Variants in LRMDA observed in about 807,000 individuals in gnomAD.
LRMDA encodes the protein leucine-rich melanocyte differentiation-associated protein.
Under a neutral mutation model 29.8 loss-of-function variants are expected in LRMDA, and 18 were observed. The observed-to-expected ratio is 0.60, with a 90% CI of 0.42 to 0.90. LRMDA has a LOEUF of 0.90. Among genes scored for constraint, LRMDA ranks in the 40% least tolerant of loss-of-function variants. The pLI, the probability that LRMDA is intolerant of heterozygous loss-of-function variation, is 0.00. For missense variants in LRMDA, 273 were observed against 273.9 expected, an observed-to-expected ratio of 1.00 and a Z score of 0.02; for synonymous variants, 125 against 109.4, an observed-to-expected ratio of 1.14 and a Z score of -0.89.
intron 2 of LRMDA, among the ~76,000 whole-genome samples, chr10:75,765,485 G>A (rs577243144): frequency 1.2e-4 from 18 of 152,280 alleles, no homozygotes; most frequent in South Asian, 6.2e-4. Flanking sequence ...GCTGGATCAC[G>A]TCTGTGTTTG....
At chr10:76,332,678 T>C (rs552605091) in intron 6 of LRMDA, among the ~76,000 whole-genome samples, 1 of 152,312 alleles carries the variant, frequency 6.6e-6, no homozygotes, top group Admixed American at 6.5e-5. Flanking sequence ...CTAAATGTGC[T>C]TATGTTTTAG....
chr10:76,217,968 T>C (rs1357955705), intron 5 of LRMDA, among the ~76,000 whole-genome samples: 1 of 152,188 alleles, frequency 6.6e-6, no homozygotes, highest in East Asian at 1.9e-4. Context: ...CCAGGTGTAA[T>C]GGATAGAAGG....
intron 6 of LRMDA, among the ~76,000 whole-genome samples, chr10:76,408,220 G>A (rs1361852181): frequency 6.6e-6 from 1 of 152,168 alleles, no homozygotes; most frequent in Non-Finnish European, 1.5e-5. Context: ...GTTGGGATGA[G>A]GACACCAGCG....
chr10:76,099,651 T>G (rs1162607266), intron 5 of LRMDA, among the ~76,000 whole-genome samples: 1 of 152,018 alleles, frequency 6.6e-6, no homozygotes, highest in Non-Finnish European at 1.5e-5. Flanking sequence ...CCTGTGTTCT[T>G]TAGACTTTAA....
intron 6 of LRMDA, among the ~76,000 whole-genome samples, chr10:76,343,292 T>G (rs1026865976): frequency 1.3e-5 from 2 of 152,204 alleles, no homozygotes; most frequent in Non-Finnish European, 2.9e-5. Context: ...TGATAAGGGC[T>G]TTATAGAAAC....
chr10:75,769,907 G>A (rs538681119), intron 2 of LRMDA, among the ~76,000 whole-genome samples: 3 of 152,180 alleles, frequency 2.0e-5, no homozygotes, highest in East Asian at 1.9e-4. Context: ...GGCTTGAACT[G>A]GCAAGGTGGA....
chr10:76,074,311 T>TAA (rs1471394561), intron 5 of LRMDA, among the ~76,000 whole-genome samples: 1 of 152,214 alleles, frequency 6.6e-6, no homozygotes, highest in Non-Finnish European at 1.5e-5. Context: ...TTTTTCTTGT[T>TAA]ACATTTGTTT....
At chr10:75,944,684 TCTC>T (rs1252118240) in intron 2 of LRMDA, among the ~76,000 whole-genome samples, 6 of 150,594 alleles carry the variant, frequency 4.0e-5, no homozygotes, top group African/African-American at 9.7e-5. Flanking sequence ...CCATTTCTGT[TCTC>T]CTGTTAAGGT....
chr10:76,310,410 A>G (rs542028432), intron 5 of LRMDA, among the ~76,000 whole-genome samples: 16 of 152,270 alleles, frequency 1.1e-4, no homozygotes, highest in African/African-American at 1.7e-4. Context: ...CAAAAATGGT[A>G]GTAACAAAAA....
chr10:76,370,571 CG>C (rs1841442710), intron 6 of LRMDA, among the ~76,000 whole-genome samples: 1 of 152,078 alleles, frequency 6.6e-6, no homozygotes, highest in Admixed American at 6.6e-5. Context: ...CAGTTACCCA[CG>C]ATCAACTGCA....
chr10:76,112,187 T>G (rs1849590312), intron 5 of LRMDA, among the ~76,000 whole-genome samples: 2 of 152,116 alleles, frequency 1.3e-5, no homozygotes, highest in Non-Finnish European at 2.9e-5. Context: ...CGGGGACCCC[T>G]GTCTCCTTCT....
chr10:75,618,661 A>G (rs1841141026), intron 2 of LRMDA, among the ~76,000 whole-genome samples: 1 of 150,374 alleles, frequency 6.7e-6, no homozygotes, highest in Non-Finnish European at 1.5e-5. Flanking sequence ...CCTTACCAAT[A>G]ACATAAACAG....
intron 2 of LRMDA, among the ~76,000 whole-genome samples, chr10:75,811,324 T>C (rs1057190512): frequency 7.9e-5 from 12 of 152,050 alleles, no homozygotes; most frequent in Admixed American, 3.9e-4. Context: ...AGAGCCTCAG[T>C]TGTGGTCATA....
chr10:75,624,349 A>G (rs1589138434), intron 2 of LRMDA, among the ~76,000 whole-genome samples: 1 of 152,192 alleles, frequency 6.6e-6, no homozygotes, highest in African/African-American at 2.4e-5. Context: ...TAATATACAC[A>G]TATCCCTTAG....
In LRMDA at chr10:76,006,489, G is replaced by A. The variant is rs1170652121; in HGVS notation, c.132-29519G>A. 3.3e-5 allele frequency among the ~76,000 whole-genome samples: 5 copies of A among 152,270 alleles called. No homozygotes were observed. In the Middle Eastern group the frequency reaches 0.01, roughly 311 times the overall value. ...TAACTATTCTGTTGTTTCTCCAAGA[G>A]GAGAAACAGCAGCCACAAAAACCTC... On this transcript the variant is annotated intron_variant, in intron 2 of 6. Coordinates refer to ENST00000611255, the MANE Select transcript of LRMDA (RefSeq NM_001305581.2).
intron 2 of LRMDA, among the ~76,000 whole-genome samples, chr10:75,593,889 A>G (rs914547776): frequency 2.6e-5 from 4 of 152,178 alleles, no homozygotes; most frequent in African/African-American, 4.8e-5. Flanking sequence ...TTCCAGCCCC[A>G]GACCCTTGAC....
chr10:75,963,009 A>C (rs973005185), intron 2 of LRMDA, among the ~76,000 whole-genome samples: 10 of 152,210 alleles, frequency 6.6e-5, no homozygotes, highest in African/African-American at 2.4e-4. Flanking sequence ...TTAGGGAATT[A>C]ATTCATTAGA....
chr10:76,453,363 G>T (rs1034030964), intron 6 of LRMDA, among the ~76,000 whole-genome samples: 1 of 152,338 alleles, frequency 6.6e-6, no homozygotes. Flanking sequence ...TCATGGCAAA[G>T]TGTATATGAA....
At chr10:76,301,794 G>A (rs1840483783) in intron 5 of LRMDA, among the ~76,000 whole-genome samples, 1 of 152,130 alleles carries the variant, frequency 6.6e-6, no homozygotes, top group African/African-American at 2.4e-5. Flanking sequence ...AATGGTTACT[G>A]ATGCCCTCTG....
Sources: gnomAD v4.1 joint callset for allele counts (sites outside exome capture counted in the v4.1 genomes callset) on GRCh38, gnomAD v4.1.1 for gene constraint, MANE v1.5 for transcripts, NCBI Gene and HGNC (gene_info 2026-07-23, HGNC 2026-07-21) for gene names.